Variants in TAFA5 observed in about 807,000 individuals in gnomAD.
TAFA5 encodes the protein TAFA chemokine like family member 5.
TAFA5 carries 6 observed loss-of-function variants against 15.3 expected under a neutral mutation model. The ratio of observed to expected loss-of-function variants is 0.39; its 90% confidence interval spans 0.21 to 0.77. The LOEUF is 0.77. Among genes scored for constraint, TAFA5 ranks in the 30% least tolerant of loss-of-function variants. The probability of loss-of-function intolerance (pLI) is 0.41; values close to 1 mark genes in which losing one functional copy is unlikely to be tolerated. For synonymous variants in TAFA5, 103 were observed against 80.7 expected (o/e 1.28, Z -1.48); for missense variants, 161 against 193.1 (o/e 0.83, Z 0.98).
intron 2 of TAFA5, among the ~76,000 whole-genome samples, chr22:48,684,580 A>C (rs928308980): frequency 1.3e-5 from 2 of 152,132 alleles, no homozygotes; most frequent in African/African-American, 4.8e-5. Flanking sequence ...CACTGTGTGC[A>C]CTGTGTCACC....
chr22:48,687,530 T>C (rs2147235240), intron 2 of TAFA5, among the ~76,000 whole-genome samples: 1 of 152,276 alleles, frequency 6.6e-6, no homozygotes, highest in South Asian at 2.1e-4. Flanking sequence ...TGAGCCTTGA[T>C]GGATCCAGGT....
Position 48,675,005 on chromosome 22 carries a change from G to A in TAFA5, c.262+28259G>A, listed in dbSNP as rs538324844. On this transcript the variant is annotated intron_variant, in intron 2 of 3. Coordinates refer to ENST00000402357, the MANE Select transcript of TAFA5 (RefSeq NM_001082967.3). ...ACCCAGGCTTGGAGTGCAGTGGCGC[G>A]ATCTCGGCTCACTGCACCCTCCGCC... Among the ~76,000 whole-genome samples the A allele has an allele frequency of 1.3e-4, 20 of 151,386 alleles. No individual in the cohort carries two copies. The East Asian group carries it at 1.8e-3, about 13-fold the overall frequency.
chr22:48,524,731 G>A (rs1338599937), intron 1 of TAFA5, among the ~76,000 whole-genome samples: 3 of 152,176 alleles, frequency 2.0e-5, no homozygotes, highest in East Asian at 1.9e-4. Context: ...CCTGCACCGA[G>A]CTTCCCCAGG....
chr22:48,602,156 C>T (rs942733503), intron 1 of TAFA5, among the ~76,000 whole-genome samples: 11 of 152,230 alleles, frequency 7.2e-5, no homozygotes, highest in Non-Finnish European at 1.3e-4. Context: ...TCCGCATCTT[C>T]CTCAAGCCCC....
chr22:48,559,650 C>T (rs1036406712), intron 1 of TAFA5, among the ~76,000 whole-genome samples: 5 of 151,786 alleles, frequency 3.3e-5, no homozygotes, highest in Admixed American at 6.6e-5. Context: ...GGAGAATCAG[C>T]GAGACCTAGA....
chr22:48,714,396 G>A (rs1158270563), intron 3 of TAFA5, among the ~76,000 whole-genome samples: 1 of 152,186 alleles, frequency 6.6e-6, no homozygotes, highest in Non-Finnish European at 1.5e-5. Context: ...CTGATGCAGG[G>A]CAGTGCTGAC....
At chr22:48,576,372 G>A (rs1923800921) in intron 1 of TAFA5, 1 of 1,219,062 alleles carries the variant, frequency 8.2e-7, no homozygotes, top group Non-Finnish European at 1.0e-6. Context: ...GGCGGCGGAT[G>A]GAGGGCGCGA....
chr22:48,615,116 G>GCCA (rs954956912), intron 1 of TAFA5, among the ~76,000 whole-genome samples: 1 of 152,174 alleles, frequency 6.6e-6, no homozygotes, highest in Non-Finnish European at 1.5e-5. Flanking sequence ...CCCTTCAGGA[G>GCCA]CCACCATCCC....
chr22:48,501,388 C>T (rs763299272), intron 1 of TAFA5, among the ~76,000 whole-genome samples: 8 of 152,240 alleles, frequency 5.3e-5, no homozygotes, highest in Admixed American at 1.3e-4. Context: ...CGCGTCTGGG[C>T]GTTCTGTCCT....
intron 1 of TAFA5, among the ~76,000 whole-genome samples, chr22:48,583,915 TACACCACACAC>T (rs377612493): frequency 0.089 from 10,346 of 115,772 alleles, 402 homozygotes; most frequent in Middle Eastern, 0.29. Context: ...ATAAACCTCA[TACACCACACAC>T]ACACCACACA....
rs1222214724 is a variant in TAFA5, at chr22:48,490,934, G to C, written c.112+1230G>C. Among the ~76,000 whole-genome samples the C allele has an allele frequency of 1.3e-5, 2 of 152,182 alleles. No homozygotes were observed. Among genetic ancestry groups the C allele is most frequent in the African/African-American group, 2.4e-5 (1 of 41,464 alleles). ...GGGAGACCCGGGCAGCCGCGGGATC[G>C]GCCTCCGGAGTCCTGGGACAGCCCA... On this transcript the variant is annotated intron_variant, in intron 1 of 3. Transcript: ENST00000402357. This position sits in a 1 kb window ranked among gnomAD's most constrained non-coding sequence, Gnocchi z 5.8.
intron 1 of TAFA5, among the ~76,000 whole-genome samples, chr22:48,542,525 GT>G: frequency 1.0e-5 from 1 of 97,830 alleles, no homozygotes; most frequent in Non-Finnish European, 2.0e-5. Flanking sequence ...GTGTGTGCAT[GT>G]GTGGTGTGTG....
chr22:48,589,393 A>AC (rs1198678044), intron 1 of TAFA5, among the ~76,000 whole-genome samples: 3 of 151,572 alleles, frequency 2.0e-5, no homozygotes, highest in Non-Finnish European at 4.4e-5. Flanking sequence ...CCACCTGGAA[A>AC]CCAGGGTCGG....
intron 2 of TAFA5, among the ~76,000 whole-genome samples, chr22:48,680,956 C>T (rs132221): frequency 0.66 from 100,363 of 152,196 alleles, 34,128 homozygotes; most frequent in Non-Finnish European, 0.74. Flanking sequence ...GCTCCCACCA[C>T]GGCTTCTGGA....
rs904984798 is a variant in TAFA5, at chr22:48,623,154, C to T, written c.113-23443C>T. Among the ~76,000 whole-genome samples, 3 of 152,214 alleles carry T rather than the reference C, an allele frequency of 2.0e-5. No individual in the cohort carries two copies. The East Asian group carries it at 5.8e-4, about 29-fold the overall frequency. On this transcript the variant is annotated intron_variant, in intron 1 of 3. Coordinates refer to ENST00000402357, the MANE Select transcript of TAFA5 (RefSeq NM_001082967.3). ...TGTCACCTTCGACCTTGCAGGATGC[C>T]CTGACGGCGGTGGGATGGATGAGCA...
intron 3 of TAFA5, among the ~76,000 whole-genome samples, chr22:48,747,644 C>T (rs1044448263): frequency 1.3e-5 from 2 of 152,126 alleles, no homozygotes; most frequent in African/African-American, 4.8e-5. Flanking sequence ...TGCCTGTAAT[C>T]CCAGCACTTT....
At chr22:48,518,581 AT>A (rs1385018535) in intron 1 of TAFA5, among the ~76,000 whole-genome samples, 2 of 152,158 alleles carry the variant, frequency 1.3e-5, no homozygotes, top group Non-Finnish European at 2.9e-5. Context: ...TTCTCACGGC[AT>A]TATTGTCACT....
rs377764643 is a variant in TAFA5, at chr22:48,490,778, C to CAAAAA, written c.112+1086_112+1090dup. ...GTGATGGAAAAATATGGATTCTTTA[C>CAAAAA]AAAAAAAAAAAAAAAAGGCCAGCAC... On this transcript the variant is annotated intron_variant, in intron 1 of 3. Coordinates refer to ENST00000402357, the MANE Select transcript of TAFA5 (RefSeq NM_001082967.3). This position sits in a 1 kb window ranked among gnomAD's most constrained non-coding sequence, Gnocchi z 5.8. Among the ~76,000 whole-genome samples the CAAAAA allele has an allele frequency of 0.33, 27,087 of 82,156 alleles. 3,856 individuals carry two copies. Among genetic ancestry groups the CAAAAA allele is most frequent in the East Asian group, 0.52 (1,414 of 2,738 alleles). 53.9% of individuals were successfully genotyped at this position (82,156 alleles called of 152,430 possible).
intron 1 of TAFA5, among the ~76,000 whole-genome samples, chr22:48,498,748 T>C (rs764599439): frequency 6.6e-6 from 1 of 152,156 alleles, no homozygotes; most frequent in Non-Finnish European, 1.5e-5. Flanking sequence ...CTCCTCCCAG[T>C]TGTGACAACC....
Sources: allele counts gnomAD v4.1 joint callset (sites outside exome capture counted in the v4.1 genomes callset), GRCh38; gene constraint gnomAD v4.1.1; non-coding constraint Gnocchi (gnomAD v3.1); transcripts MANE v1.5; gene names NCBI Gene and HGNC (gene_info 2026-07-23, HGNC 2026-07-21).